COL27A1: variants seen among roughly 807,000 people sequenced by gnomAD.
COL27A1 encodes collagen type XXVII alpha 1 chain, also known as collagen alpha-1(XXVII) chain.
Under a neutral mutation model 251.3 loss-of-function variants are expected in COL27A1, and 106 were observed. The ratio of observed to expected loss-of-function variants is 0.42; its 90% CI spans 0.36 to 0.50. The LOEUF is 0.50. Among genes scored for constraint, COL27A1 ranks in the 20% least tolerant of loss-of-function variants. COL27A1 has a pLI of 0.00. For synonymous variants in COL27A1, 1,000 were observed against 986.3 expected (o/e 1.01, Z -0.26); for missense variants, 2,325 against 2,522.8 (o/e 0.92, Z 1.68).
At chr9:114,175,606 G>A (rs943629932) in intron 3 of COL27A1, among the ~76,000 whole-genome samples, 1 of 152,216 alleles carries the variant, frequency 6.6e-6, no homozygotes, top group Non-Finnish European at 1.5e-5. Context: ...GACATCACCA[G>A]GCTGGACCCT....
intron 48 of COL27A1, 114 bp from the exon 49 acceptor site, chr9:114,291,989 A>C: frequency 1.1e-6 from 1 of 915,316 alleles, no homozygotes. Flanking sequence ...AGCATTCTGC[A>C]ATCTCGGGTA....
chr9:114,225,947 C>A (rs1414360375), intron 14 of COL27A1, among the ~76,000 whole-genome samples: 1 of 152,124 alleles, frequency 6.6e-6, no homozygotes, highest in Non-Finnish European at 1.5e-5. Flanking sequence ...GTGGAAGTGT[C>A]GGGCTTGTCA....
chr9:114,165,075 A>G (rs757944634), intron 2 of COL27A1, among the ~76,000 whole-genome samples: 1 of 152,188 alleles, frequency 6.6e-6, no homozygotes, highest in Non-Finnish European at 1.5e-5. Flanking sequence ...TTGGGTGAAG[A>G]TGATGAGGAA....
rs1480711825 is a variant in COL27A1 at position 114,162,761 on chromosome 9, G to A, written c.109G>A (p.Ala37Thr). The A allele has an allele frequency of 5.6e-6, 9 of 1,612,692 alleles. No individual in the cohort carries two copies. Among genetic ancestry groups the A allele is most frequent in the Non-Finnish European group, 7.6e-6 (9 of 1,179,574 alleles). Residue 37 changes from alanine (A) to threonine (T), a missense_variant, in exon 2 of 61, where the codon GCC becomes ACC. By Grantham distance (58) the Ala-to-Thr change is moderately conservative. Around this residue, in one of 4 missense-constraint regions of COL27A1, gnomAD observed 1,183 missense variants for 1,144.1 expected, o/e 1.03. Coordinates refer to ENST00000356083, the MANE Select transcript of COL27A1 (RefSeq NM_032888.4). ...WILVSFACHL[A>T]STQGAPEDVD... is the part of the protein sequence containing the mutation. ...CTTAGTCTCGTTTGCCTGTCACCTG[G>A]CCTCCACCCAAGGAGCTCCTGAAGG... is the stretch of plus-strand genomic sequence containing the variant.
At chr9:114,307,878 T>G (rs2131693392) in intron 59 of COL27A1, 100 bp downstream of exon 59, 2 of 755,200 alleles carry the variant, frequency 2.6e-6, no homozygotes, top group Non-Finnish European at 4.4e-6. Flanking sequence ...GCTGTGCCTG[T>G]CTTACTGCAT....
intron 48 of COL27A1, among the ~76,000 whole-genome samples, chr9:114,291,180 C>G (rs556942330): frequency 6.6e-6 from 1 of 152,188 alleles, no homozygotes; most frequent in South Asian, 2.1e-4. Context: ...CACGGGCGCC[C>G]TCTCGTGGAC....
chr9:114,269,381 A>G, intron 35 of COL27A1, 87 bp downstream of exon 35: 3 of 903,970 alleles, frequency 3.3e-6, no homozygotes, highest in South Asian at 1.7e-5. Context: ...CAATCTCCCT[A>G]AGCCTCAGTT....
At chr9:114,278,585 T>G (rs1455490259) in intron 37 of COL27A1, among the ~76,000 whole-genome samples, 2 of 126,244 alleles carry the variant, frequency 1.6e-5, no homozygotes, top group African/African-American at 6.6e-5. Flanking sequence ...GTCATGGCAG[T>G]GGTGGGGGTG....
At chr9:114,250,121 AG>A (rs1833426029) in intron 24 of COL27A1, among the ~76,000 whole-genome samples, 1 of 152,338 alleles carries the variant, frequency 6.6e-6, no homozygotes, top group African/African-American at 2.4e-5. Flanking sequence ...GAAAAAGGCA[AG>A]GAGGCCTTTC....
chr9:114,210,885 G>A, intron 11 of COL27A1, 97 bp from the exon 12 acceptor site: 1 of 1,260,394 alleles, frequency 7.9e-7, no homozygotes, highest in Non-Finnish European at 1.2e-6. Context: ...GGCCCTCTGT[G>A]ACTTCCTGCC....
chr9:114,199,041 C>G (rs941445274), intron 7 of COL27A1, among the ~76,000 whole-genome samples: 4 of 152,292 alleles, frequency 2.6e-5, no homozygotes, highest in East Asian at 3.9e-4. Context: ...TCTTGCCAAT[C>G]TGGTAGCACT....
At chr9:114,177,470 C>T (rs1206925420) in intron 3 of COL27A1, among the ~76,000 whole-genome samples, 1 of 152,130 alleles carries the variant, frequency 6.6e-6, no homozygotes, top group Non-Finnish European at 1.5e-5. Flanking sequence ...AGGGAGACCA[C>T]TGAGGGGGCT....
intron 49 of COL27A1, among the ~76,000 whole-genome samples, chr9:114,296,447 G>A (rs951334571): frequency 2.0e-5 from 3 of 152,136 alleles, no homozygotes; most frequent in African/African-American, 7.2e-5. Context: ...AAGCACATGA[G>A]AAAAAGATTA....
At chr9:114,245,165 T>TG (rs201033366) in intron 23 of COL27A1, among the ~76,000 whole-genome samples, 379 of 143,094 alleles carry the variant, frequency 2.6e-3, no homozygotes, top group Non-Finnish European at 3.9e-3. Context: ...TTTTTTTTTT[T>TG]TTTTTTTTTT....
At position 114,196,119 on chromosome 9, in the gene COL27A1, A is replaced by G; in HGVS notation, c.2124+107A>G. On this transcript the variant is annotated intron_variant, in intron 7 of 60. Coordinates refer to ENST00000356083, the MANE Select transcript of COL27A1 (RefSeq NM_032888.4). Reference sequence around the variant, plus strand: ...ACCTGCCTCTCCCCAGCCCCAGCCCAGCTCCCCTGGGCACAGGGTACATGG... The same window carrying G: ...ACCTGCCTCTCCCCAGCCCCAGCCCGGCTCCCCTGGGCACAGGGTACATGG... The G allele has an allele frequency of 7.2e-6, 7 of 970,644 alleles. 1 individual carries two copies. In the South Asian group the frequency reaches 9.1e-5, roughly 13 times the overall value. The allele number at this position is 970,644 out of a possible 1,614,324, so 60.1% of individuals were successfully genotyped here.
Position 114,264,400 on chromosome 9 carries a change from G to T in COL27A1, c.3241G>T (p.Gly1081Cys), listed in dbSNP as rs751823452. Residue 1081 changes from glycine to cysteine, a missense_variant, in exon 29 of 61, where the codon GGC (glycine) becomes TGC (cysteine). Physicochemically the swap from Gly to Cys is radical, Grantham distance 159. Coordinates refer to ENST00000356083, the MANE Select transcript of COL27A1 (RefSeq NM_032888.4). ...DGPAGEQGSR[G>C]LKGPPGPQGR... ...ACCAGCTGGGGAGCAAGGGTCCAGGGGCCTGAAGGTACCGACCCCTAGGAC... is the reference window on the plus strand; with the variant it reads ...ACCAGCTGGGGAGCAAGGGTCCAGGTGCCTGAAGGTACCGACCCCTAGGAC... The T allele has an allele frequency of 6.3e-7, 1 of 1,588,388 alleles. No homozygotes were observed. Among genetic ancestry groups the T allele is most frequent in the Admixed American group, 1.7e-5 (1 of 57,570 alleles).
At chr9:114,256,970 G>A (rs748437838) in intron 27 of COL27A1, among the ~76,000 whole-genome samples, 4 of 152,130 alleles carry the variant, frequency 2.6e-5, no homozygotes, top group African/African-American at 4.8e-5. Context: ...TCCACCATCC[G>A]GGAGTCAGAA....
chr9:114,276,523 T>G (rs1835518879), intron 37 of COL27A1, among the ~76,000 whole-genome samples: 1 of 152,200 alleles, frequency 6.6e-6, no homozygotes, highest in Non-Finnish European at 1.5e-5. Context: ...GAGAATCACT[T>G]GAACCTGGGA....
At chr9:114,248,279 G>A (rs72762642) in intron 24 of COL27A1, among the ~76,000 whole-genome samples, 11,123 of 152,262 alleles carry the variant, frequency 0.073, 462 homozygotes, top group Non-Finnish European at 0.1. Flanking sequence ...AAGACACCCC[G>A]TCCAGGGGCA....
Sources: allele counts gnomAD v4.1 joint callset (sites outside exome capture counted in the v4.1 genomes callset), GRCh38; gene constraint gnomAD v4.1.1; regional missense constraint gnomAD v4.1.1; transcripts MANE v1.5; gene names NCBI Gene and HGNC (gene_info 2026-07-23, HGNC 2026-07-21).